The following THRB variants were observed in gnomAD, a reference collection of about 807,000 sequenced individuals.
THRB encodes the protein nuclear receptor subfamily 1 group A member 2.
In THRB, 12 loss-of-function variants were observed where a neutral mutation model predicts 47.8. The ratio of observed to expected loss-of-function variants is 0.25; its 90% CI spans 0.16 to 0.41. The LOEUF is 0.41. Ranked by LOEUF, THRB falls within the 10% of genes least tolerant of loss-of-function variation. The pLI is 1.00. For missense variants in THRB, 348 were observed against 589.2 expected (o/e 0.59, Z 4.24); for synonymous variants, 218 against 212.2 (o/e 1.03, Z -0.24).
intron 1 of THRB, among the ~76,000 whole-genome samples, chr3:24,447,431 T>A (rs2072206949): frequency 1.3e-5 from 2 of 152,192 alleles, no homozygotes; most frequent in Non-Finnish European, 2.9e-5. Flanking sequence ...TTTCTCATGC[T>A]ACACCCTTCT....
intron 8 of THRB, among the ~76,000 whole-genome samples, chr3:24,135,578 A>C (rs927194324): frequency 6.6e-6 from 1 of 152,094 alleles, no homozygotes; most frequent in Non-Finnish European, 1.5e-5. Context: ...TGAAATAATC[A>C]CATGTACAGC....
At chr3:24,174,752 C>T (rs1226598302) in intron 5 of THRB, among the ~76,000 whole-genome samples, 1 of 152,156 alleles carries the variant, frequency 6.6e-6, no homozygotes, top group Non-Finnish European at 1.5e-5. Flanking sequence ...ATGCACTGTG[C>T]TAACCACTTT....
At chr3:24,449,014 T>C (rs1326705909) in intron 1 of THRB, among the ~76,000 whole-genome samples, 1 of 152,140 alleles carries the variant, frequency 6.6e-6, no homozygotes, top group African/African-American at 2.4e-5. Flanking sequence ...AAAGCAGGAA[T>C]GGCTTGAGTT....
chr3:24,307,955 T>C (rs2057475216), intron 2 of THRB, among the ~76,000 whole-genome samples: 1 of 152,146 alleles, frequency 6.6e-6, no homozygotes, highest in South Asian at 2.1e-4. Context: ...ACCACTGAAA[T>C]AGCTTTTGTT....
intron 1 of THRB, among the ~76,000 whole-genome samples, chr3:24,384,823 G>A (rs2065969266): frequency 6.6e-6 from 1 of 152,062 alleles, no homozygotes; most frequent in South Asian, 2.1e-4. Flanking sequence ...TCAGAATAGG[G>A]GTTACATTTG....
chr3:24,213,110 G>C (rs1250337614), intron 4 of THRB, among the ~76,000 whole-genome samples: 1 of 152,186 alleles, frequency 6.6e-6, no homozygotes, highest in Non-Finnish European at 1.5e-5. Flanking sequence ...AATGGCAAGA[G>C]TTTCTGAGAG....
chr3:24,442,789 A>G (rs144546149), intron 1 of THRB, among the ~76,000 whole-genome samples: 5 of 146,480 alleles, frequency 3.4e-5, no homozygotes, highest in African/African-American at 1.3e-4. Flanking sequence ...GTGCCATTGT[A>G]CTCCAGCCTG....
At chr3:24,172,149 T>C (rs147870470) in intron 5 of THRB, among the ~76,000 whole-genome samples, 121 of 152,310 alleles carry the variant, frequency 7.9e-4, no homozygotes, top group Middle Eastern at 3.4e-3. Flanking sequence ...AAGTGTTCCA[T>C]GAAACATACT....
At chr3:24,355,539 A>C (rs2063620660) in intron 1 of THRB, among the ~76,000 whole-genome samples, 1 of 152,180 alleles carries the variant, frequency 6.6e-6, no homozygotes, top group African/African-American at 2.4e-5. Flanking sequence ...GTTATGTAAG[A>C]GGCTGTGCTT....
At chr3:24,490,018 T>G (rs115596695) in intron 1 of THRB, among the ~76,000 whole-genome samples, 2,807 of 152,234 alleles carry the variant, frequency 0.018, 48 homozygotes, top group South Asian at 0.049. Context: ...AACAATCACC[T>G]CCTCAGATAT....
At chr3:24,269,015 T>C (rs574352508) in intron 3 of THRB, among the ~76,000 whole-genome samples, 1 of 152,212 alleles carries the variant, frequency 6.6e-6, no homozygotes, top group Non-Finnish European at 1.5e-5. Flanking sequence ...CCTCAGGGTA[T>C]TATATAGTTT....
intron 3 of THRB, among the ~76,000 whole-genome samples, chr3:24,257,987 G>C (rs910979343): frequency 6.6e-6 from 1 of 152,226 alleles, no homozygotes; most frequent in East Asian, 1.9e-4. Flanking sequence ...TAAATGGACT[G>C]CATGGAGAAT....
chr3:24,256,587 T>C (rs2051307791), intron 3 of THRB, among the ~76,000 whole-genome samples: 1 of 152,166 alleles, frequency 6.6e-6, no homozygotes, highest in African/African-American at 2.4e-5. Flanking sequence ...TGAAAGATCC[T>C]GGGAGGGAGT....
At chr3:24,392,112 GT>G (rs781780012) in intron 1 of THRB, among the ~76,000 whole-genome samples, 75 of 152,198 alleles carry the variant, frequency 4.9e-4, no homozygotes, top group Middle Eastern at 3.4e-3. Context: ...TACACATAAG[GT>G]TTTGTTTAAA....
chr3:24,279,092 G>A (rs557514422), intron 3 of THRB, among the ~76,000 whole-genome samples: 3 of 152,052 alleles, frequency 2.0e-5, no homozygotes, highest in African/African-American at 4.8e-5. Flanking sequence ...TAATCCTCTT[G>A]TTTTGGCCTC....
In THRB at chr3:24,177,163, A is replaced by G. The variant is rs76331644; in HGVS notation, c.283+12911T>C. On this transcript the variant is annotated intron_variant, in intron 5 of 10. Transcript: ENST00000646209. Reference sequence around the variant, plus strand: ...CTAAAAATACCTATCAGCAAGCAGAAAACAGTATCCCACACACTGAATACT... The same window carrying G: ...CTAAAAATACCTATCAGCAAGCAGAGAACAGTATCCCACACACTGAATACT... Among the ~76,000 whole-genome samples the G allele has an allele frequency of 4.5e-3, 685 of 152,306 alleles. 6 individuals carry two copies. Among genetic ancestry groups the G allele is most frequent in the African/African-American group, 0.016 (662 of 41,562 alleles).
intron 3 of THRB, among the ~76,000 whole-genome samples, chr3:24,256,051 A>C (rs1227661624): frequency 2.0e-5 from 3 of 152,192 alleles, no homozygotes; most frequent in African/African-American, 7.2e-5. Flanking sequence ...AGTCAGGAAG[A>C]AACAGCGAGC....
At chr3:24,378,809 A>G (rs2065482205) in intron 1 of THRB, among the ~76,000 whole-genome samples, 1 of 152,162 alleles carries the variant, frequency 6.6e-6, no homozygotes, top group Non-Finnish European at 1.5e-5. Flanking sequence ...TTACTCTATC[A>G]ATTTTATTCT....
intron 3 of THRB, among the ~76,000 whole-genome samples, chr3:24,275,776 AC>A (rs1444166241): frequency 6.6e-6 from 1 of 152,186 alleles, no homozygotes; most frequent in Non-Finnish European, 1.5e-5. Flanking sequence ...TTCTTGGTGT[AC>A]AGTTGAATCA....
Sources: allele counts gnomAD v4.1 joint callset (sites outside exome capture counted in the v4.1 genomes callset), GRCh38; gene constraint gnomAD v4.1.1; transcripts MANE v1.5; gene names NCBI Gene and HGNC (gene_info 2026-07-23, HGNC 2026-07-21).